The following GALNT14 variants were observed in gnomAD, a reference collection of about 807,000 sequenced individuals.
GALNT14 encodes UDP-GalNAc:polypeptide N-acetylgalactosaminyltransferase 14.
Under a neutral mutation model 77.5 loss-of-function variants are expected in GALNT14, and 60 were observed. The observed-to-expected ratio is 0.77, with a 90% CI of 0.63 to 0.96. GALNT14 has a LOEUF of 0.96. Among genes scored for constraint, GALNT14 ranks in the 40% least tolerant of loss-of-function variants. GALNT14 has a pLI of 0.00. For missense variants in GALNT14, 710 were observed against 731.0 expected (o/e 0.97, Z 0.33); for synonymous variants, 280 against 281.7 (o/e 0.99, Z 0.06).
intron 1 of GALNT14, among the ~76,000 whole-genome samples, chr2:31,011,623 A>G (rs1188558041): frequency 1.3e-5 from 2 of 152,114 alleles, no homozygotes; most frequent in Non-Finnish European, 2.9e-5. Context: ...GGCTGTTAAG[A>G]GGAGAGGGCG....
At chr2:31,117,321 A>T (rs1678159362) in intron 1 of GALNT14, among the ~76,000 whole-genome samples, 1 of 152,186 alleles carries the variant, frequency 6.6e-6, no homozygotes, top group Non-Finnish European at 1.5e-5. Context: ...GTAAGAACTG[A>T]AGAGGAAGCC....
chr2:30,954,307 G>T (rs1384691530), intron 6 of GALNT14, among the ~76,000 whole-genome samples: 1 of 152,202 alleles, frequency 6.6e-6, no homozygotes, highest in African/African-American at 2.4e-5. Context: ...TCCCAATCCA[G>T]ACCTCTTTGC....
In GALNT14 at chr2:30,910,869, C is replaced by G. The variant is rs747479883; in HGVS notation, c.*32G>C. 8.7e-6 allele frequency: 14 copies of G among 1,609,390 alleles called. No individual in the cohort carries two copies. The highest frequency in any genetic ancestry group is 1.2e-5 in the Non-Finnish European group (14 of 1,177,640). On this transcript the variant is annotated 3_prime_UTR_variant, in exon 15 of 15. Transcript: ENST00000349752. ...CTGTTCTGGTCCAGGGAAGCACCAC[C>G]CCATGGCCCTTGCTGCTTCTGGCAG...
rs2148192663 is a variant in GALNT14, at chr2:30,910,818, A to G, written c.*83T>C. The G allele has an allele frequency of 6.8e-7, 1 of 1,477,276 alleles. No individual in the cohort carries two copies. Among genetic ancestry groups the G allele is most frequent in the Non-Finnish European group, 9.2e-7 (1 of 1,088,038 alleles). The allele number at this position is 1,477,276 out of a possible 1,614,324, so 91.5% of individuals were successfully genotyped here. A position where few individuals can be genotyped will look rare whatever the true frequency, so the allele number is the denominator to read the frequency against. On this transcript the variant is annotated 3_prime_UTR_variant, in exon 15 of 15. Coordinates refer to ENST00000349752, the MANE Select transcript of GALNT14 (RefSeq NM_024572.4). ...AGTCCAGGATGTCTGAGGTGGTTGCAGGCTGCTTGCTGCCCAGTTTCCAGT... is the reference window on the plus strand; with the variant it reads ...AGTCCAGGATGTCTGAGGTGGTTGCGGGCTGCTTGCTGCCCAGTTTCCAGT...
At chr2:31,018,025 C>CGGT (rs1331662657) in intron 1 of GALNT14, among the ~76,000 whole-genome samples, 1 of 152,174 alleles carries the variant, frequency 6.6e-6, no homozygotes, top group Non-Finnish European at 1.5e-5. Context: ...TTCCCGAGTA[C>CGGT]GGTCAGGGCC....
At chr2:30,954,505 G>A (rs1451678378) in intron 6 of GALNT14, among the ~76,000 whole-genome samples, 1 of 152,186 alleles carries the variant, frequency 6.6e-6, no homozygotes, top group Non-Finnish European at 1.5e-5. Context: ...CTAAGTGGAA[G>A]ACGAGCCATC....
chr2:31,079,105 T>C (rs1573315062), intron 1 of GALNT14: 2 of 1,216,400 alleles, frequency 1.6e-6, no homozygotes, highest in East Asian at 6.1e-5. Context: ...TATGATGATA[T>C]TTGGCATAGG....
chr2:30,963,207 C>G (rs1357959117), intron 3 of GALNT14, among the ~76,000 whole-genome samples: 1 of 152,156 alleles, frequency 6.6e-6, no homozygotes, highest in Non-Finnish European at 1.5e-5. Flanking sequence ...CGCCAAGAAC[C>G]CTCCCAGAGT....
At chr2:31,074,576 G>C (rs1375332049) in intron 1 of GALNT14, among the ~76,000 whole-genome samples, 1 of 152,130 alleles carries the variant, frequency 6.6e-6, no homozygotes, top group East Asian at 1.9e-4. Context: ...GATGGTCTCA[G>C]CTGGGAAGTC....
intron 1 of GALNT14, among the ~76,000 whole-genome samples, chr2:31,032,292 C>T (rs1358925159): frequency 6.6e-6 from 1 of 152,156 alleles, no homozygotes; most frequent in Non-Finnish European, 1.5e-5. Context: ...AAGATACCGC[C>T]CAGCCACTGA....
the GALNT14 span, among the ~76,000 whole-genome samples, chr2:30,890,011 GA>G: frequency 6.6e-6 from 1 of 152,110 alleles, no homozygotes; most frequent in African/African-American, 2.4e-5. Flanking sequence ...TCTGGGGAAT[GA>G]AAAAGAGGGG....
the GALNT14 span, among the ~76,000 whole-genome samples, chr2:30,892,206 G>C: frequency 6.6e-6 from 1 of 152,134 alleles, no homozygotes; most frequent in African/African-American, 2.4e-5. Context: ...AGCTGAAAGA[G>C]AACAAAGCAA....
intron 1 of GALNT14, among the ~76,000 whole-genome samples, chr2:31,025,296 G>A (rs1464500116): frequency 2.0e-5 from 3 of 152,158 alleles, no homozygotes; most frequent in African/African-American, 7.2e-5. Context: ...CCTGACCCCA[G>A]AGCCAGTGTC....
intron 6 of GALNT14, among the ~76,000 whole-genome samples, chr2:30,951,049 A>G (rs1192286114): frequency 6.6e-6 from 1 of 152,256 alleles, no homozygotes; most frequent in East Asian, 1.9e-4. Context: ...ATGAGCCAGC[A>G]GCAATTCACA....
intron 1 of GALNT14, among the ~76,000 whole-genome samples, chr2:31,048,195 T>A (rs576388899): frequency 6.6e-6 from 1 of 152,338 alleles, no homozygotes; most frequent in South Asian, 2.1e-4. Context: ...CCCCATCACC[T>A]GCAAGGACCA....
At chr2:30,895,237 C>T in the GALNT14 span, among the ~76,000 whole-genome samples, 2 of 152,110 alleles carry the variant, frequency 1.3e-5, no homozygotes, top group African/African-American at 4.8e-5. Flanking sequence ...AGTGGGGGGT[C>T]CCATTCTCTG....
At position 31,029,703 on chromosome 2, in the gene GALNT14, AGAG is replaced by A. The variant is rs540456364; in HGVS notation, c.130-36699_130-36697del. ...AGACTAGAACAACACTCTACATCCC[AGAG>A]GAGTAGCAATCCCTGGCTCTCCACG... On this transcript the variant is annotated intron_variant, in intron 1 of 14. Coordinates refer to ENST00000349752, the MANE Select transcript of GALNT14 (RefSeq NM_024572.4). Among the ~76,000 whole-genome samples, 489 of 152,306 alleles carry A rather than the reference AGAG, an allele frequency of 3.2e-3. 5 individuals are homozygous for A. The highest frequency in any genetic ancestry group is 0.011 in the African/African-American group (473 of 41,552).
At chr2:31,045,315 C>G (rs114466957) in intron 1 of GALNT14, among the ~76,000 whole-genome samples, 1 of 152,180 alleles carries the variant, frequency 6.6e-6, no homozygotes, top group African/African-American at 2.4e-5. Flanking sequence ...TGAGGAAACA[C>G]TGGTCTCTAA....
intron 1 of GALNT14, among the ~76,000 whole-genome samples, chr2:31,072,294 CACACACACAT>C (rs879850078): frequency 0.16 from 13,265 of 83,590 alleles, 675 homozygotes; most frequent in African/African-American, 0.25. Context: ...CACACACACA[CACACACACAT>C]ACACACACAC....
Sources: gnomAD v4.1 joint callset for allele counts (sites outside exome capture counted in the v4.1 genomes callset) on GRCh38, gnomAD v4.1.1 for gene constraint, MANE v1.5 for transcripts, NCBI Gene and HGNC (gene_info 2026-07-23, HGNC 2026-07-21) for gene names.